The following DLG2 variants were observed in gnomAD, a reference collection of about 807,000 sequenced individuals.
The protein encoded by DLG2 is disks large homolog 2.
A neutral mutation model predicts 132.5 loss-of-function variants in DLG2; 45 were observed. The observed-to-expected ratio is 0.34, with a 90% CI of 0.27 to 0.44. The LOEUF is 0.44. Among genes scored for constraint, DLG2 ranks in the 20% least tolerant of loss-of-function variants. The probability of loss-of-function intolerance (pLI) is 1.00; values close to 1 mark genes in which losing one functional copy is unlikely to be tolerated. For synonymous variants in DLG2, 424 were observed against 419.6 expected (o/e 1.01, Z -0.13); for missense variants, 1,045 against 1,196.9 (o/e 0.87, Z 1.87).
intron 5 of DLG2, among the ~76,000 whole-genome samples, chr11:85,142,341 T>C (rs1292489876): frequency 6.6e-6 from 1 of 151,826 alleles, no homozygotes; most frequent in Non-Finnish European, 1.5e-5. Flanking sequence ...AGTTTTTTTC[T>C]TGGTTTCTTT....
intron 11 of DLG2, among the ~76,000 whole-genome samples, chr11:84,003,855 A>G (rs2154051635): frequency 6.6e-6 from 1 of 152,298 alleles, no homozygotes; most frequent in East Asian, 1.9e-4. Context: ...GAAATGGATA[A>G]ATTCCTGGAA....
chr11:85,167,683 A>G (rs79586403), intron 4 of DLG2, among the ~76,000 whole-genome samples: 8 of 152,206 alleles, frequency 5.3e-5, no homozygotes, highest in Non-Finnish European at 8.8e-5. Flanking sequence ...TCTTCATCAA[A>G]TTCAGCATAA....
At chr11:84,041,838 G>C (rs2096090796) in intron 11 of DLG2, among the ~76,000 whole-genome samples, 1 of 151,880 alleles carries the variant, frequency 6.6e-6, no homozygotes, top group Non-Finnish European at 1.5e-5. Context: ...GGAGGAAACT[G>C]GTGGGCGGTG....
intron 6 of DLG2, chr11:84,640,447 T>A (rs1356998630): frequency 4.2e-6 from 2 of 475,566 alleles, no homozygotes; most frequent in African/African-American, 4.1e-5. Flanking sequence ...ATTGAGCTTA[T>A]TTCAAATTCA....
intron 6 of DLG2, among the ~76,000 whole-genome samples, chr11:84,581,071 G>A (rs1340839919): frequency 1.3e-5 from 2 of 152,162 alleles, no homozygotes; most frequent in African/African-American, 2.4e-5. Flanking sequence ...AGTATTTGTG[G>A]TTAAACAGCT....
intron 7 of DLG2, among the ~76,000 whole-genome samples, chr11:84,370,368 A>C (rs1407577704): frequency 6.6e-6 from 1 of 152,200 alleles, no homozygotes; most frequent in African/African-American, 2.4e-5. Flanking sequence ...ACCATTTCCA[A>C]GGAATCTCCT....
intron 6 of DLG2, among the ~76,000 whole-genome samples, chr11:84,930,925 C>T (rs1168488980): frequency 6.6e-6 from 1 of 152,096 alleles, no homozygotes; most frequent in Non-Finnish European, 1.5e-5. Context: ...CCATCCATTT[C>T]CTCATTTTCC....
At chr11:85,234,008 T>C (rs2075444421) in intron 4 of DLG2, among the ~76,000 whole-genome samples, 1 of 151,938 alleles carries the variant, frequency 6.6e-6, no homozygotes, top group African/African-American at 2.4e-5. Context: ...TTTCATTCTT[T>C]AACAATATTA....
At chr11:84,543,267 G>C (rs1381265741) in intron 6 of DLG2, among the ~76,000 whole-genome samples, 1 of 152,076 alleles carries the variant, frequency 6.6e-6, no homozygotes, top group Non-Finnish European at 1.5e-5. Flanking sequence ...GAGGTAGGTA[G>C]TTTCAGATAG....
chr11:85,591,743 A>G (rs577141442), intron 3 of DLG2, among the ~76,000 whole-genome samples: 2 of 152,326 alleles, frequency 1.3e-5, no homozygotes, highest in Admixed American at 1.3e-4. Flanking sequence ...CTTCATCTCA[A>G]AAAAAGAAGG....
intron 4 of DLG2, among the ~76,000 whole-genome samples, chr11:85,164,734 ATATTT>A (rs2078304086): frequency 6.6e-6 from 1 of 152,190 alleles, no homozygotes; most frequent in African/African-American, 2.4e-5. Context: ...ATACTGATAT[ATATTT>A]TATGTGCATT....
At chr11:85,204,988 A>G (rs960130822) in intron 4 of DLG2, among the ~76,000 whole-genome samples, 1 of 152,062 alleles carries the variant, frequency 6.6e-6, no homozygotes, top group East Asian at 1.9e-4. Context: ...CACGCAGAAA[A>G]ATAAAAATAG....
intron 3 of DLG2, among the ~76,000 whole-genome samples, chr11:85,321,953 G>A (rs1046626362): frequency 1.3e-5 from 2 of 152,004 alleles, no homozygotes; most frequent in African/African-American, 2.4e-5. Context: ...GAGAAAAAAG[G>A]GATCGATGTT....
chr11:84,720,236 G>T (rs750799329), intron 6 of DLG2: 19 of 975,554 alleles, frequency 1.9e-5, no homozygotes, highest in Non-Finnish European at 2.2e-5. Context: ...GCAACAGAAG[G>T]AATTGTTCTC....
chr11:84,709,767 A>C (rs554021978), intron 6 of DLG2, among the ~76,000 whole-genome samples: 2 of 151,970 alleles, frequency 1.3e-5, no homozygotes, highest in South Asian at 2.1e-4. Flanking sequence ...AGGGGAAGGC[A>C]CACCTTCAAT....
intron 18 of DLG2, among the ~76,000 whole-genome samples, chr11:83,749,758 A>G (rs2093177890): frequency 6.6e-6 from 1 of 152,112 alleles, no homozygotes; most frequent in African/African-American, 2.4e-5. Context: ...ATGTGTATGT[A>G]GGGACCTACA....
intron 7 of DLG2, among the ~76,000 whole-genome samples, chr11:84,310,044 A>T (rs2098271177): frequency 6.6e-6 from 1 of 152,190 alleles, no homozygotes; most frequent in African/African-American, 2.4e-5. Flanking sequence ...GACCCAACTC[A>T]CTCAGGGTTC....
intron 6 of DLG2, among the ~76,000 whole-genome samples, chr11:84,931,109 C>CCTTA (rs1302367152): frequency 6.6e-6 from 1 of 152,054 alleles, no homozygotes; most frequent in African/African-American, 2.4e-5. Flanking sequence ...CTTGAAACAC[C>CCTTA]CTTACCCTAC....
intron 10 of DLG2, among the ~76,000 whole-genome samples, chr11:84,093,181 C>T (rs957185324): frequency 1.3e-5 from 2 of 152,128 alleles, no homozygotes; most frequent in African/African-American, 2.4e-5. Context: ...TGCTTAAGTT[C>T]TCACAAGGCT....
Sources: allele counts gnomAD v4.1 joint callset (sites outside exome capture counted in the v4.1 genomes callset), GRCh38; gene constraint gnomAD v4.1.1; transcripts MANE v1.5; gene names NCBI Gene and HGNC (gene_info 2026-07-23, HGNC 2026-07-21).